The following MAST4 variants were observed in gnomAD, a reference collection of about 807,000 sequenced individuals.
MAST4 encodes microtubule-associated serine/threonine-protein kinase 4.
Under a neutral mutation model 162.7 loss-of-function variants are expected in MAST4, and 89 were observed. The ratio of observed to expected loss-of-function variants is 0.55; its 90% CI spans 0.46 to 0.65. The LOEUF (loss-of-function observed/expected upper bound fraction) is 0.65, where lower values mean the gene tolerates loss of function less well. Among genes scored for constraint, MAST4 ranks in the 30% least tolerant of loss-of-function variants. The pLI is 0.00. For missense variants in MAST4, 3,153 were observed against 3,374.0 expected (o/e 0.93, Z 1.62); for synonymous variants, 1,479 against 1,361.1 (o/e 1.09, Z -1.91).
At chr5:67,118,607 C>A in intron 12 of MAST4, 75 bp from the exon 13 acceptor site, 1 of 879,816 alleles carries the variant, frequency 1.1e-6, no homozygotes, top group Non-Finnish European at 1.8e-6. Flanking sequence ...AACTATTTTT[C>A]TTTTGTTTCA....
At chr5:66,619,174 G>GT (rs1011831699) in intron 1 of MAST4, among the ~76,000 whole-genome samples, 3 of 152,128 alleles carry the variant, frequency 2.0e-5, no homozygotes, top group African/African-American at 4.8e-5. Context: ...TTTTCCAGGA[G>GT]TAACTATAGT....
Position 66,704,492 on chromosome 5 carries a change from C to G in MAST4, c.364-55217C>G, listed in dbSNP as rs147472113. ...TGCATCCTCTCTGTTGCTTGTTGTT[C>G]TTTTTTTTTTTTTTTTTTTTTTGAG... On this transcript the variant is annotated intron_variant, in intron 1 of 28. Transcript: ENST00000403625. Among the ~76,000 whole-genome samples the G allele has an allele frequency of 1.6e-4, 16 of 97,344 alleles. No homozygotes were observed. The East Asian group carries it at 3.4e-3, about 21-fold the overall frequency. The allele number at this position is 97,344 out of a possible 152,430, so 63.9% of individuals were successfully genotyped here.
In MAST4 at chr5:67,125,084, T is replaced by C. The variant is rs1351798573; in HGVS notation, c.1745+3982T>C. ...CAAGGCTCCTCAGCACTAAACTTACTAAAAAACAACTATTGAAGGAAGAGA... is the reference window on the plus strand; with the variant it reads ...CAAGGCTCCTCAGCACTAAACTTACCAAAAAACAACTATTGAAGGAAGAGA... On this transcript the variant is annotated intron_variant, in intron 14 of 28. Coordinates refer to ENST00000403625, the MANE Select transcript of MAST4 (RefSeq NM_001164664.2). Among the ~76,000 whole-genome samples the C allele has an allele frequency of 3.3e-5, 5 of 152,186 alleles. No individual in the cohort carries two copies. The East Asian group carries it at 9.6e-4, about 29-fold the overall frequency.
chr5:66,785,984 T>A (rs1375646531), intron 2 of MAST4, among the ~76,000 whole-genome samples: 1 of 152,168 alleles, frequency 6.6e-6, no homozygotes. Flanking sequence ...TCCTCCCTTC[T>A]CAGCCTCCTG....
At chr5:66,630,525 G>A (rs1331459420) in intron 1 of MAST4, among the ~76,000 whole-genome samples, 3 of 152,050 alleles carry the variant, frequency 2.0e-5, no homozygotes, top group African/African-American at 7.2e-5. Context: ...TGTAAGGGGA[G>A]TTTAATATAG....
At chr5:66,684,813 C>T (rs1748540657) in intron 1 of MAST4, among the ~76,000 whole-genome samples, 1 of 152,132 alleles carries the variant, frequency 6.6e-6, no homozygotes, top group African/African-American at 2.4e-5. Context: ...AGAAGTGCTG[C>T]AGAGAGCCAG....
intron 9 of MAST4, among the ~76,000 whole-genome samples, chr5:67,103,058 C>A (rs1351859660): frequency 6.6e-6 from 1 of 152,250 alleles, no homozygotes; most frequent in African/African-American, 2.4e-5. Flanking sequence ...CTGTGATTTC[C>A]TATCTCTTTA....
At chr5:66,705,528 G>A (rs1332864139) in intron 1 of MAST4, among the ~76,000 whole-genome samples, 4 of 152,172 alleles carry the variant, frequency 2.6e-5, no homozygotes, top group Non-Finnish European at 4.4e-5. Flanking sequence ...TCACAGGAAC[G>A]GTTTCAGGTT....
chr5:66,693,521 A>G (rs1749185311), intron 1 of MAST4, among the ~76,000 whole-genome samples: 1 of 152,208 alleles, frequency 6.6e-6, no homozygotes, highest in South Asian at 2.1e-4. Context: ...ATTTGCCACA[A>G]TTCGCTAACA....
chr5:66,749,764 C>G (rs1399812260), intron 1 of MAST4, among the ~76,000 whole-genome samples: 1 of 152,186 alleles, frequency 6.6e-6, no homozygotes, highest in African/African-American at 2.4e-5. Context: ...GAAACAGGTG[C>G]AGAAATAGTT....
chr5:67,154,370 AAG>A (rs1342818534), intron 26 of MAST4, among the ~76,000 whole-genome samples: 3 of 152,266 alleles, frequency 2.0e-5, no homozygotes, highest in Non-Finnish European at 2.9e-5. Context: ...ACATTAGAAT[AAG>A]AAATAATACA....
At chr5:67,041,546 A>G (rs1194452819) in intron 4 of MAST4, among the ~76,000 whole-genome samples, 1 of 152,242 alleles carries the variant, frequency 6.6e-6, no homozygotes, top group African/African-American at 2.4e-5. Flanking sequence ...AGATTTATAA[A>G]GCACTTGCTG....
intron 1 of MAST4, among the ~76,000 whole-genome samples, chr5:66,747,410 G>C (rs1249182112): frequency 6.6e-6 from 1 of 152,004 alleles, no homozygotes; most frequent in Non-Finnish European, 1.5e-5. Flanking sequence ...AAATGATATT[G>C]GTATCTAGTA....
intron 4 of MAST4, among the ~76,000 whole-genome samples, chr5:66,961,022 C>T (rs1355534949): frequency 6.6e-6 from 1 of 152,114 alleles, no homozygotes; most frequent in Non-Finnish European, 1.5e-5. Flanking sequence ...TTCTGTTTGC[C>T]TAGGGAGCGT....
chr5:66,965,209 T>TG (rs1208253555), intron 4 of MAST4, among the ~76,000 whole-genome samples: 1 of 128,466 alleles, frequency 7.8e-6, no homozygotes, highest in African/African-American at 2.7e-5. Flanking sequence ...TAAGAGTAGT[T>TG]TTTTTTTTTT....
chr5:66,810,941 A>G (rs1407866353), intron 3 of MAST4, among the ~76,000 whole-genome samples: 1 of 152,230 alleles, frequency 6.6e-6, no homozygotes, highest in Non-Finnish European at 1.5e-5. Context: ...TAATGCTGCT[A>G]TCACTTTGCA....
At chr5:66,893,964 G>A (rs461536) in intron 3 of MAST4, among the ~76,000 whole-genome samples, 80,100 of 151,942 alleles carry the variant, frequency 0.53, 21,445 homozygotes, top group Middle Eastern at 0.6. Flanking sequence ...CACCCAAAGC[G>A]TTTCTTTAGG....
At chr5:66,845,126 T>TATATATATACATACAC (rs1358855625) in intron 3 of MAST4, among the ~76,000 whole-genome samples, 3 of 67,178 alleles carry the variant, frequency 4.5e-5, no homozygotes, top group African/African-American at 1.7e-4. Context: ...TATATATATA[T>TATATATATACATACAC]ACACACACAC....
At chr5:67,024,487 A>G (rs975917911) in intron 4 of MAST4, among the ~76,000 whole-genome samples, 1 of 145,058 alleles carries the variant, frequency 6.9e-6, no homozygotes, top group Non-Finnish European at 1.5e-5. Flanking sequence ...AGATATATAC[A>G]TATCTATATA....
Sources: gnomAD v4.1 joint callset for allele counts (sites outside exome capture counted in the v4.1 genomes callset) on GRCh38, gnomAD v4.1.1 for gene constraint, MANE v1.5 for transcripts, NCBI Gene and HGNC (gene_info 2026-07-23, HGNC 2026-07-21) for gene names.